The following MTHFSD variants were observed in gnomAD, a reference collection of about 807,000 sequenced individuals.
MTHFSD encodes the protein methenyltetrahydrofolate synthase domain-containing protein.
MTHFSD carries 37 observed loss-of-function variants against 31.1 expected under a neutral mutation model. The observed-to-expected ratio is 1.19, with a 90% CI of 0.91 to 1.56. MTHFSD has a LOEUF of 1.56. Ranked by LOEUF, MTHFSD falls within the 40% of genes most tolerant of loss-of-function variation. The probability of loss-of-function intolerance (pLI) is 0.00; values close to 1 mark genes in which losing one functional copy is unlikely to be tolerated. For synonymous variants in MTHFSD, 221 were observed against 206.9 expected (o/e 1.07, Z -0.59); for missense variants, 664 against 510.1 (o/e 1.30, Z -2.91).
intron 1 of MTHFSD, 31 bp from the exon 2 acceptor site, chr16:86,554,782 A>G: frequency 6.4e-7 from 1 of 1,567,892 alleles, no homozygotes; most frequent in Non-Finnish European, 8.8e-7. Context: ...TTAATAACAT[A>G]CAAAGGAATT....
At chr16:86,534,488 G>A (rs961565748) in intron 7 of MTHFSD, among the ~76,000 whole-genome samples, 1 of 152,240 alleles carries the variant, frequency 6.6e-6, no homozygotes, top group African/African-American at 2.4e-5. Context: ...ACTGGACACA[G>A]ATGGGAGGGG....
At position 86,542,469 on chromosome 16, in the gene MTHFSD, AGC is replaced by A; in HGVS notation, c.443-258_443-257del. ...AATGACGTGAACACTGGACCGTTCAAGCATGTCACAAAGGGAAACAGATCACA... is the reference window on the plus strand; with the variant it reads ...AATGACGTGAACACTGGACCGTTCAAATGTCACAAAGGGAAACAGATCACA... On this transcript the variant is annotated intron_variant, in intron 5 of 7. Transcript: ENST00000360900. The surrounding 1 kb of genome is among the most constrained non-coding windows in gnomAD (Gnocchi z 4.6). 8.9e-6 allele frequency: 4 copies of A among 448,410 alleles called. No individual in the cohort carries two copies. Among genetic ancestry groups the A allele is most frequent in the Admixed American group, 8.1e-5 (2 of 24,836 alleles). 27.8% of individuals were successfully genotyped at this position (448,410 alleles called of 1,614,324 possible).
chr16:86,548,440 G>A, intron 4 of MTHFSD, 24 bp downstream of exon 4: 3 of 1,564,104 alleles, frequency 1.9e-6, no homozygotes, highest in Non-Finnish European at 2.6e-6. Flanking sequence ...TTTCCTAGGT[G>A]GGGACATTGC....
rs375226990 is a variant in MTHFSD at position 86,542,067 on chromosome 16, C to T, written c.555+34G>A. 2 of 1,568,528 alleles carry T rather than the reference C, an allele frequency of 1.3e-6. No homozygotes were observed. Among genetic ancestry groups the T allele is most frequent in the East Asian group, 4.5e-5 (2 of 44,638 alleles). ...CCCCTGCTCCCTCAGAAGAGAATGG[C>T]AGTGGCTCTGCTCAGCCCATTCATA... On this transcript the variant is annotated intron_variant, in intron 6 of 7. Transcript: ENST00000360900. The surrounding 1 kb of genome is among the most constrained non-coding windows in gnomAD (Gnocchi z 4.6).
intron 7 of MTHFSD, among the ~76,000 whole-genome samples, chr16:86,537,481 T>C (rs1970870733): frequency 6.6e-6 from 1 of 152,208 alleles, no homozygotes; most frequent in Admixed American, 6.5e-5. Context: ...AATTTCTACA[T>C]ATTTCTCTAG....
chr16:86,552,645 A>G (rs1164828212), intron 2 of MTHFSD, among the ~76,000 whole-genome samples: 1 of 152,172 alleles, frequency 6.6e-6, no homozygotes, highest in Non-Finnish European at 1.5e-5. Flanking sequence ...AGATTTCTAC[A>G]TGATTCTCTA....
At chr16:86,532,630 G>GTCCC in intron 7 of MTHFSD, 149 bp from the exon 8 acceptor site, 1 of 507,532 alleles carries the variant, frequency 2.0e-6, no homozygotes, top group Non-Finnish European at 3.3e-6. Context: ...GACTCCCACT[G>GTCCC]TCCCACCCAC....
chr16:86,548,935 C>T (rs569069518), intron 3 of MTHFSD, among the ~76,000 whole-genome samples: 1 of 152,294 alleles, frequency 6.6e-6, no homozygotes, highest in African/African-American at 2.4e-5. Flanking sequence ...GCCCCCTCTG[C>T]TCTCAGCACC....
chr16:86,552,412 T>G, intron 2 of MTHFSD: 1 of 797,614 alleles, frequency 1.3e-6, no homozygotes, highest in Non-Finnish European at 1.9e-6. Flanking sequence ...CAAAGAAACA[T>G]CTAAGGAAGC....
intron 2 of MTHFSD, among the ~76,000 whole-genome samples, chr16:86,554,129 C>A (rs148876493): frequency 1.3e-5 from 2 of 152,262 alleles, no homozygotes; most frequent in South Asian, 4.1e-4. Context: ...AATCCCCTTC[C>A]ACATTGTGGA....
At chr16:86,551,181 G>C (rs910457346) in intron 3 of MTHFSD, among the ~76,000 whole-genome samples, 12 of 152,116 alleles carry the variant, frequency 7.9e-5, no homozygotes, top group Non-Finnish European at 4.4e-5. Context: ...AAAGCTATCT[G>C]CATTAAAATT....
chr16:86,548,084 C>T lies in MTHFSD; in HGVS notation c.351+380G>A, dbSNP rs531459856. ...ATGGAGCATGTTTTGGAAATTCTAT[C>T]CTGTCTCCCCAGTCGCTCTGGTGGC... On this transcript the variant is annotated intron_variant, in intron 4 of 7. Transcript: ENST00000360900. The T allele has an allele frequency of 5.7e-5, 73 of 1,291,876 alleles. No homozygotes were observed. In the East Asian group the frequency reaches 3.4e-3, roughly 60 times the overall value. 80.0% of individuals were successfully genotyped at this position (1,291,876 alleles called of 1,614,324 possible).
Position 86,552,077 on chromosome 16 carries a change from C to A in MTHFSD, c.193G>T (p.Asp65Tyr). The A allele has an allele frequency of 1.2e-6, 2 of 1,614,184 alleles. No individual in the cohort carries two copies. Among genetic ancestry groups the A allele is most frequent in the Non-Finnish European group, 1.7e-6 (2 of 1,180,040 alleles). ...VFARTQEVKV[D>Y]PDKPLEGVRL... Reference sequence around the variant, plus strand: ...ACGCCTTCCAGTGGTTTATCAGGGTCCACTTTAACTTCCTGTGTTCTGGCA... The same window carrying A: ...ACGCCTTCCAGTGGTTTATCAGGGTACACTTTAACTTCCTGTGTTCTGGCA... Residue 65 changes from aspartate to tyrosine, a missense_variant, in exon 3 of 8, where the codon GAC (aspartate) becomes TAC (tyrosine). Transcript: ENST00000360900.
Position 86,542,023 on chromosome 16 carries a change from G to T in MTHFSD, c.555+78C>A. On this transcript the variant is annotated intron_variant, in intron 6 of 7. Transcript: ENST00000360900. The surrounding 1 kb of genome is among the most constrained non-coding windows in gnomAD (Gnocchi z 4.6). ...CGCCACACAGCATGGTTCAGAAGCA[G>T]ATGAGTCTCCTTCCCCACCCCCTGC... is the stretch of plus-strand genomic sequence containing the variant. 1 of 1,431,984 alleles carries T rather than the reference G, an allele frequency of 7.0e-7. No individual in the cohort carries two copies. The highest frequency in any genetic ancestry group is 9.7e-7 in the Non-Finnish European group (1 of 1,031,180). 88.7% of individuals were successfully genotyped at this position (1,431,984 alleles called of 1,614,324 possible).
At chr16:86,551,490 G>GT in intron 3 of MTHFSD, among the ~76,000 whole-genome samples, 1 of 152,320 alleles carries the variant, frequency 6.6e-6, no homozygotes, top group Admixed American at 6.5e-5. Flanking sequence ...TTTTGTGTTT[G>GT]TTTGGTTAGG....
Position 86,542,042 on chromosome 16 carries a change from C to A in MTHFSD, c.555+59G>T. The A allele has an allele frequency of 6.6e-7, 1 of 1,513,306 alleles. No homozygotes were observed. The highest frequency in any genetic ancestry group is 1.4e-5 in the African/African-American group (1 of 73,228). 93.7% of individuals were successfully genotyped at this position (1,513,306 alleles called of 1,614,324 possible). A position where few individuals can be genotyped will look rare whatever the true frequency, so the allele number is the denominator to read the frequency against. ...GAAGCAGATGAGTCTCCTTCCCCAC[C>A]CCCTGCTCCCTCAGAAGAGAATGGC... is the stretch of plus-strand genomic sequence containing the variant. On this transcript the variant is annotated intron_variant, in intron 6 of 7. Coordinates refer to ENST00000360900, the MANE Select transcript of MTHFSD (RefSeq NM_001159377.2). The surrounding 1 kb of genome is among the most constrained non-coding windows in gnomAD (Gnocchi z 4.6).
intron 7 of MTHFSD, among the ~76,000 whole-genome samples, chr16:86,537,189 G>A (rs4843393): frequency 0.89 from 136,016 of 152,246 alleles, 60,794 homozygotes; most frequent in South Asian, 0.93. Flanking sequence ...TTGGGAAGAA[G>A]GTAGAAACGT....
intron 7 of MTHFSD, chr16:86,533,314 A>G (rs1970233150): frequency 6.6e-6 from 1 of 152,304 alleles, no homozygotes; most frequent in Non-Finnish European, 1.5e-5. Context: ...GGGGCTGCCT[A>G]TGGGTCAGGA....
chr16:86,554,828 A>AGCT, intron 1 of MTHFSD, 77 bp from the exon 2 acceptor site: 1 of 1,311,386 alleles, frequency 7.6e-7, no homozygotes. Context: ...ACAGTAGTTA[A>AGCT]GCGACCCCCG....
Sources: allele counts gnomAD v4.1 joint callset (sites outside exome capture counted in the v4.1 genomes callset), GRCh38; gene constraint gnomAD v4.1.1; non-coding constraint Gnocchi (gnomAD v3.1); transcripts MANE v1.5; gene names NCBI Gene and HGNC (gene_info 2026-07-23, HGNC 2026-07-21).